Variants in NRXN3 observed in about 807,000 individuals in gnomAD.
NRXN3 encodes neurexin III.
Under a neutral mutation model 137.6 loss-of-function variants are expected in NRXN3, and 32 were observed. That is an observed-to-expected ratio of 0.23 (90% confidence interval 0.18 to 0.31). The LOEUF (loss-of-function observed/expected upper bound fraction) is 0.31, where lower values mean the gene tolerates loss of function less well. Ranked by LOEUF, NRXN3 falls within the 10% of genes least tolerant of loss-of-function variation. The pLI is 1.00. For synonymous variants in NRXN3, 798 were observed against 784.5 expected (o/e 1.02, Z -0.29); for missense variants, 1,574 against 2,062.5 (o/e 0.76, Z 4.59).
At chr14:78,480,733 A>G (rs182206799) in intron 4 of NRXN3, among the ~76,000 whole-genome samples, 7 of 152,256 alleles carry the variant, frequency 4.6e-5, no homozygotes, top group Admixed American at 3.3e-4. Context: ...TCATTTACAT[A>G]TTGTGCAGCT....
At chr14:78,518,716 T>C (rs2096246495) in intron 4 of NRXN3, among the ~76,000 whole-genome samples, 1 of 152,154 alleles carries the variant, frequency 6.6e-6, no homozygotes, top group Non-Finnish European at 1.5e-5. Context: ...TCTTTTCTTC[T>C]GCTATAAAAT....
At chr14:78,770,625 A>G (rs1465168673) in intron 8 of NRXN3, among the ~76,000 whole-genome samples, 1 of 152,232 alleles carries the variant, frequency 6.6e-6, no homozygotes, top group African/African-American at 2.4e-5. Context: ...TTGAAATAAG[A>G]TAATAAATGT....
chr14:78,966,034 T>C lies in NRXN3; in HGVS notation c.2405T>C (p.Val802Ala), dbSNP rs1567842537. ...TTTACAATTTTCACAGGTACAATGG[T>C]GGGAGACCATACCCGTTTGGAGTTC... ...VDDDVAEGTM[V>A]GDHTRLEFHN... The change falls in exon 12 of 21, where the codon GTG (valine) becomes GCG (alanine). Residue 802 changes from valine to alanine, a missense_variant. This residue lies in a region of NRXN3 where 718 missense variants were observed against 887.6 expected (regional missense o/e 0.81). Coordinates refer to ENST00000335750, the MANE Select transcript of NRXN3 (RefSeq NM_001330195.2). 2 of 1,613,924 alleles carry C rather than the reference T, an allele frequency of 1.2e-6. No individual in the cohort carries two copies. The highest frequency in any genetic ancestry group is 1.7e-6 in the Non-Finnish European group (2 of 1,179,802).
chr14:78,656,978 G>C (rs1241068419), intron 6 of NRXN3, among the ~76,000 whole-genome samples: 1 of 148,950 alleles, frequency 6.7e-6, no homozygotes, highest in Non-Finnish European at 1.5e-5. Flanking sequence ...ACCCGGGAGG[G>C]GCAGCTTGCA....
At chr14:79,656,616 CTTTTTT>C (rs58620442) in intron 16 of NRXN3, among the ~76,000 whole-genome samples, 1 of 137,860 alleles carries the variant, frequency 7.3e-6, no homozygotes, top group South Asian at 2.3e-4. Context: ...CTCTCTCTCT[CTTTTTT>C]TTTTTTTTTT....
chr14:78,381,686 C>A (rs1179938143), intron 4 of NRXN3, among the ~76,000 whole-genome samples: 1 of 152,102 alleles, frequency 6.6e-6, no homozygotes, highest in African/African-American at 2.4e-5. Context: ...ACCCAGATAT[C>A]CATCAATGAG....
intron 4 of NRXN3, among the ~76,000 whole-genome samples, chr14:78,576,076 G>C (rs1000556125): frequency 1.3e-5 from 2 of 152,188 alleles, no homozygotes; most frequent in African/African-American, 4.8e-5. Context: ...CATGAGGATG[G>C]TTTGACATGT....
chr14:78,241,990 GA>G lies in NRXN3; in HGVS notation c.-703-395del, dbSNP rs533900659. 4.0e-3 allele frequency among the ~76,000 whole-genome samples: 604 copies of G among 152,198 alleles called. 2 individuals carry two copies. The highest frequency in any genetic ancestry group is 6.0e-3 in the Non-Finnish European group (408 of 67,990). ...TGTCAAATTGAAAAGGAAAAATCTA[GA>G]AAAAAGTTAATGTCATTTGCAAGCT... On this transcript the variant is annotated intron_variant, in intron 1 of 20. Transcript: ENST00000335750.
At chr14:79,845,874 G>GAGAGAGAGAC (rs111799616) in intron 20 of NRXN3, among the ~76,000 whole-genome samples, 1 of 31,010 alleles carries the variant, frequency 3.2e-5, no homozygotes, top group South Asian at 1.7e-3. Flanking sequence ...GAGAGAGATG[G>GAGAGAGAGAC]AGAGAGAGAG....
At chr14:78,641,861 T>G (rs968538846) in intron 4 of NRXN3, among the ~76,000 whole-genome samples, 2 of 152,254 alleles carry the variant, frequency 1.3e-5, no homozygotes, top group Non-Finnish European at 2.9e-5. Flanking sequence ...AGGCCTTTTC[T>G]TCCTCACGTT....
intron 10 of NRXN3, among the ~76,000 whole-genome samples, chr14:78,895,700 T>G (rs1342298615): frequency 6.6e-6 from 1 of 152,054 alleles, no homozygotes; most frequent in East Asian, 1.9e-4. Context: ...TAATCATTTC[T>G]AGCTTTTGAT....
At chr14:79,808,694 T>C (rs1430641064) in intron 20 of NRXN3, among the ~76,000 whole-genome samples, 1 of 152,212 alleles carries the variant, frequency 6.6e-6, no homozygotes, top group South Asian at 2.1e-4. Context: ...TCCTGATTAA[T>C]TTACATCCAT....
intron 4 of NRXN3, among the ~76,000 whole-genome samples, chr14:78,496,049 G>C (rs2095777281): frequency 6.6e-6 from 1 of 152,198 alleles, no homozygotes; most frequent in South Asian, 2.1e-4. Context: ...GACAAATGGG[G>C]ACCACATTGA....
At chr14:78,996,933 G>A (rs548872934) in intron 15 of NRXN3, among the ~76,000 whole-genome samples, 97 of 152,294 alleles carry the variant, frequency 6.4e-4, no homozygotes, top group Non-Finnish European at 5.3e-4. Context: ...GAAGCTAGCG[G>A]TACTCTTAGG....
intron 16 of NRXN3, among the ~76,000 whole-genome samples, chr14:79,510,290 A>G (rs1449945634): frequency 6.6e-6 from 1 of 152,208 alleles, no homozygotes; most frequent in African/African-American, 2.4e-5. Context: ...ACTGTATGCC[A>G]TTGGAGTCAG....
chr14:79,138,288 G>A (rs1596379128), intron 15 of NRXN3, among the ~76,000 whole-genome samples: 1 of 152,192 alleles, frequency 6.6e-6, no homozygotes, highest in East Asian at 1.9e-4. Context: ...TGAGTAGCTG[G>A]GACCACAGGC....
At chr14:79,238,301 T>G (rs151167967) in intron 15 of NRXN3, among the ~76,000 whole-genome samples, 1 of 25,022 alleles carries the variant, frequency 4.0e-5, no homozygotes, top group Non-Finnish European at 4.7e-4. Context: ...TTAGATTAGT[T>G]ACATGCCCAC....
chr14:78,725,756 A>G (rs1232513027), intron 8 of NRXN3, among the ~76,000 whole-genome samples: 1 of 152,226 alleles, frequency 6.6e-6, no homozygotes, highest in Non-Finnish European at 1.5e-5. Flanking sequence ...GAGGTTTTTG[A>G]GTCTAACTCA....
intron 10 of NRXN3, among the ~76,000 whole-genome samples, chr14:78,812,244 T>G (rs2098916289): frequency 6.6e-6 from 1 of 152,186 alleles, no homozygotes; most frequent in Non-Finnish European, 1.5e-5. Context: ...TAAATATGCC[T>G]TTTTTGGACA....
Sources: gnomAD v4.1 joint callset for allele counts (sites outside exome capture counted in the v4.1 genomes callset) on GRCh38, gnomAD v4.1.1 for gene constraint, gnomAD v4.1.1 regional missense constraint, MANE v1.5 for transcripts, NCBI Gene and HGNC (gene_info 2026-07-23, HGNC 2026-07-21) for gene names.